The following AMER2 variants were observed in gnomAD, a reference collection of about 807,000 sequenced individuals.
AMER2 encodes the protein APC membrane recruitment protein 2, also known as family with sequence similarity 123A.
A neutral mutation model predicts 4.7 loss-of-function variants in AMER2; 1 was observed. The ratio of observed to expected loss-of-function variants is 0.21; its 90% CI spans 0.07 to 1.00. The LOEUF is 1.00. Ranked by LOEUF, AMER2 falls within the 50% of genes least tolerant of loss-of-function variation. The probability of loss-of-function intolerance (pLI) is 0.60; values close to 1 mark genes in which losing one functional copy is unlikely to be tolerated. For missense variants in AMER2, 988 were observed against 966.9 expected (o/e 1.02, Z -0.29); for synonymous variants, 485 against 433.3 (o/e 1.12, Z -1.48).
Position 25,171,390 on chromosome 13 carries a change from C to A in AMER2, c.230G>T (p.Gly77Val). The change falls in exon 1 of 1, where the codon GGT becomes GTT. Residue 77 changes from glycine to valine, a missense_variant. Physicochemically the swap from Gly to Val is moderately radical, Grantham distance 109. Transcript: ENST00000515384. The surrounding 1 kb of genome is among the most constrained non-coding windows in gnomAD (Gnocchi z 5.9). ...CCCAAAAATGCTGGGCATGGTGCCA[C>A]CCGATTTCCTCTTCTTGAATAATTT... ...AFKLFKKRKS[G>V]GTMPSIFGVK... 1.2e-6 allele frequency: 2 copies of A among 1,613,132 alleles called. No individual in the cohort carries two copies. The highest frequency in any genetic ancestry group is 1.7e-6 in the Non-Finnish European group (2 of 1,179,688).
chr13:25,171,251 C>T lies in AMER2; in HGVS notation c.369G>A (p.Pro123=). The T allele has an allele frequency of 7.0e-7, 1 of 1,435,330 alleles. No individual in the cohort carries two copies. The allele number at this position is 1,435,330 out of a possible 1,614,324, so 88.9% of individuals were successfully genotyped here. Residue 123 remains proline, a synonymous_variant, in exon 1 of 1, where the codon CCG becomes CCA. Coordinates refer to ENST00000515384, the MANE Select transcript of AMER2 (RefSeq NM_152704.4). The surrounding 1 kb of genome is among the most constrained non-coding windows in gnomAD (Gnocchi z 5.9). ...LVLESGRKEE[P]RGGGDSGGGG... ...CCCCGCCGCTGTCGCCCCCGCCGCGCGGCTCCTCCTTCCTGCCGCTCTCCA... is the reference window on the plus strand; with the variant it reads ...CCCCGCCGCTGTCGCCCCCGCCGCGTGGCTCCTCCTTCCTGCCGCTCTCCA...
In AMER2 at chr13:25,169,710, G is replaced by A. The variant is rs761981252; in HGVS notation, c.1910C>T (p.Thr637Ile). The A allele has an allele frequency of 1.9e-6, 3 of 1,614,044 alleles. No homozygotes were observed. Among genetic ancestry groups the A allele is most frequent in the Non-Finnish European group, 2.5e-6 (3 of 1,180,040 alleles). Reference sequence around the variant, plus strand: ...CAGCACTTTGGAAACCGGGATTTTTGTTCTGGGCATCTCACTCCTGGAGGG... The same window carrying A: ...CAGCACTTTGGAAACCGGGATTTTTATTCTGGGCATCTCACTCCTGGAGGG... ...QQPSRSEMPR[T>I]KIPVSKVLVR... Residue 637 changes from threonine to isoleucine, a missense_variant, in exon 1 of 1, where the codon ACA (threonine) becomes ATA (isoleucine). Coordinates refer to ENST00000515384, the MANE Select transcript of AMER2 (RefSeq NM_152704.4). This position sits in a 1 kb window ranked among gnomAD's most constrained non-coding sequence, Gnocchi z 4.2.
Position 25,169,680 on chromosome 13 carries a change from C to T in AMER2, c.1940G>A (p.Arg647His). 1 of 1,613,772 alleles carries T rather than the reference C, an allele frequency of 6.2e-7. No homozygotes were observed. The highest frequency in any genetic ancestry group is 1.3e-5 in the African/African-American group (1 of 75,036). Residue 647 changes from arginine to histidine, a missense_variant, in exon 1 of 1, where the codon CGC (arginine) becomes CAC (histidine). Arg to His is a conservative substitution (Grantham distance 29, BLOSUM62 0). Coordinates refer to ENST00000515384, the MANE Select transcript of AMER2 (RefSeq NM_152704.4). The surrounding 1 kb of genome is among the most constrained non-coding windows in gnomAD (Gnocchi z 4.2). ...TKIPVSKVLV[R>H]RVSNRGLAGT... ...AGCCAAGCCCCGGTTGCTGACTCTG[C>T]GGACCAGCACTTTGGAAACCGGGAT...
In AMER2 at chr13:25,171,242, C is replaced by T. The variant is rs750623262; in HGVS notation, c.378G>A (p.Gly126=). Residue 126 remains glycine (G), a synonymous_variant, in exon 1 of 1, where the codon GGG becomes GGA. Transcript: ENST00000515384. The surrounding 1 kb of genome is among the most constrained non-coding windows in gnomAD (Gnocchi z 5.9). ...CCCCGCCGCCCCCGCCGCTGTCGCC[C>T]CCGCCGCGCGGCTCCTCCTTCCTGC... is the stretch of plus-strand genomic sequence containing the variant. ...ESGRKEEPRG[G]GDSGGGGGGR... The T allele has an allele frequency of 9.2e-5, 129 of 1,408,994 alleles. No individual in the cohort carries two copies. The highest frequency in any genetic ancestry group is 1.1e-4 in the Non-Finnish European group (119 of 1,084,610). The allele number at this position is 1,408,994 out of a possible 1,614,324, so 87.3% of individuals were successfully genotyped here.
chr13:25,171,659 C>G lies in AMER2; in HGVS notation c.-40G>C. The G allele has an allele frequency of 6.9e-7, 1 of 1,441,490 alleles. No homozygotes were observed. Among genetic ancestry groups the G allele is most frequent in the South Asian group, 1.5e-5 (1 of 67,012 alleles). 89.3% of individuals were successfully genotyped at this position (1,441,490 alleles called of 1,614,324 possible). A position where few individuals can be genotyped will look rare whatever the true frequency, so the allele number is the denominator to read the frequency against. ...ATAAGCCGCTTTCGTCAGCAGTGGGCTCGCGCCAGGCCACTGTCACCCGTA... is the reference window on the plus strand; with the variant it reads ...ATAAGCCGCTTTCGTCAGCAGTGGGGTCGCGCCAGGCCACTGTCACCCGTA... On this transcript the variant is annotated 5_prime_UTR_variant, in exon 1 of 1. Transcript: ENST00000515384. This position sits in a 1 kb window ranked among gnomAD's most constrained non-coding sequence, Gnocchi z 5.9.
rs1468695861 is a variant in AMER2, at chr13:25,167,532, G to A, written c.*2072C>T. 5.3e-5 allele frequency: 8 copies of A among 152,212 alleles called. 1 individual carries two copies. Among genetic ancestry groups the A allele is most frequent in the Admixed American group, 5.2e-4 (8 of 15,290 alleles). The allele number at this position is 152,212 out of a possible 1,614,324, so 9.4% of individuals were successfully genotyped here. A position where few individuals can be genotyped will look rare whatever the true frequency, so the allele number is the denominator to read the frequency against. ...TGTACACAGTTGAGTGCATGAGCAC[G>A]TGAGTGTGAGATGCTTATATGAATT... On this transcript the variant is annotated 3_prime_UTR_variant, in exon 1 of 1. Coordinates refer to ENST00000515384, the MANE Select transcript of AMER2 (RefSeq NM_152704.4).
rs1448390107 is a variant in AMER2, at chr13:25,170,080, G to T, written c.1540C>A (p.Gln514Lys). 6.2e-7 allele frequency: 1 copy of T among 1,613,984 alleles called. No homozygotes were observed. Among genetic ancestry groups the T allele is most frequent in the African/African-American group, 1.3e-5 (1 of 74,918 alleles). The stretch of plus-strand genomic sequence containing the variant: ...TCGTCGCTGTTGGGGACGCCTTCCT[G>T]CTGCTCCTTCTCCGGGTGCTTGGGC... The part of the protein sequence containing the change: ...EEPKHPEKEQ[Q>K]EGVPNSDEGY... Residue 514 changes from glutamine to lysine, a missense_variant, in exon 1 of 1, where the codon CAG (glutamine) becomes AAG (lysine). Gln to Lys is a moderately conservative substitution (Grantham distance 53, BLOSUM62 1). Coordinates refer to ENST00000515384, the MANE Select transcript of AMER2 (RefSeq NM_152704.4). This position sits in a 1 kb window ranked among gnomAD's most constrained non-coding sequence, Gnocchi z 7.3.
Position 25,165,480 on chromosome 13 carries a change from G to T in AMER2, c.*4124C>A, listed in dbSNP as rs1956466904. 1 of 152,188 alleles carries T rather than the reference G, an allele frequency of 6.6e-6. No individual in the cohort carries two copies. Among genetic ancestry groups the T allele is most frequent in the Non-Finnish European group, 1.5e-5 (1 of 68,048 alleles). 9.4% of individuals were successfully genotyped at this position (152,188 alleles called of 1,614,324 possible). A position where few individuals can be genotyped will look rare whatever the true frequency, so the allele number is the denominator to read the frequency against. On this transcript the variant is annotated 3_prime_UTR_variant, in exon 1 of 1. Coordinates refer to ENST00000515384, the MANE Select transcript of AMER2 (RefSeq NM_152704.4). ...CAAACTGCTTCATAAATATTTTTGT[G>T]TGTAATGAATTGAAATTTTCTAAGG...
rs2137449635 is a variant in AMER2, at chr13:25,171,193, TG to T, written c.426del (p.Arg143GlufsTer25). 7 of 1,449,582 alleles carry T rather than the reference TG, an allele frequency of 4.8e-6. No homozygotes were observed. Among genetic ancestry groups the T allele is most frequent in the Admixed American group, 2.8e-5 (1 of 35,646 alleles). 89.8% of individuals were successfully genotyped at this position (1,449,582 alleles called of 1,614,324 possible). A position where few individuals can be genotyped will look rare whatever the true frequency, so the allele number is the denominator to read the frequency against. On this transcript the variant is annotated frameshift_variant, in exon 1 of 1. Coordinates refer to ENST00000515384, the MANE Select transcript of AMER2 (RefSeq NM_152704.4). LOFTEE classifies it low-confidence loss of function (END_TRUNC). The surrounding 1 kb of genome is among the most constrained non-coding windows in gnomAD (Gnocchi z 5.9). ...GGGGRPNPGP[P>X]RAAGPGGGSL... is the part of the protein sequence containing the mutation. ...GAGCCCCCGCCGGGCCCTGCGGCTC[TG>T]GGGGGCCCCGGGTTCGGCCGCCCCC...
In AMER2 at chr13:25,171,470, G is replaced by C; in HGVS notation, c.150C>G (p.Ala50=). 1.2e-6 allele frequency: 2 copies of C among 1,609,692 alleles called. No individual in the cohort carries two copies. The highest frequency in any genetic ancestry group is 1.7e-6 in the Non-Finnish European group (2 of 1,178,866). ...GCGGCTCGGCGGCCGGCGTTTCGGC[G>C]GCACAGTCACAATGCAAGTCCATGT... ...AADMDLHCDC[A]AETPAAEPPS... is the part of the protein sequence containing the mutation. Residue 50 remains alanine (A), a synonymous_variant, in exon 1 of 1, where the codon GCC becomes GCG. Transcript: ENST00000515384. The surrounding 1 kb of genome is among the most constrained non-coding windows in gnomAD (Gnocchi z 5.9).
At position 25,164,830 on chromosome 13, in the gene AMER2, C is replaced by T. The variant is rs1203159816; in HGVS notation, c.*4774G>A. The T allele has an allele frequency of 6.6e-6, 1 of 152,146 alleles. No homozygotes were observed. The highest frequency in any genetic ancestry group is 2.4e-5 in the African/African-American group (1 of 41,418). 9.4% of individuals were successfully genotyped at this position (152,146 alleles called of 1,614,324 possible). The stretch of plus-strand genomic sequence containing the variant: ...ATAGTGCCCTTCTTCAACTTCACAC[C>T]ACTTTGCTTCACCCCACAAACTATA... On this transcript the variant is annotated 3_prime_UTR_variant, in exon 1 of 1. Coordinates refer to ENST00000515384, the MANE Select transcript of AMER2 (RefSeq NM_152704.4).
At position 25,171,899 on chromosome 13, in the gene AMER2, C is replaced by T. The variant is rs1956590330; in HGVS notation, c.-280G>A. On this transcript the variant is annotated 5_prime_UTR_variant, in exon 1 of 1. Coordinates refer to ENST00000515384, the MANE Select transcript of AMER2 (RefSeq NM_152704.4). This position sits in a 1 kb window ranked among gnomAD's most constrained non-coding sequence, Gnocchi z 5.9. ...CGTAATTATGGAATTCAAATTCCCT[C>T]AACTCTCACCCACCTTCGGATTCCT... 2.2e-6 allele frequency: 1 copy of T among 462,580 alleles called. No homozygotes were observed. The highest frequency in any genetic ancestry group is 3.5e-6 in the Non-Finnish European group (1 of 284,228). The allele number at this position is 462,580 out of a possible 1,614,324, so 28.7% of individuals were successfully genotyped here.
Position 25,171,106 on chromosome 13 carries a change from G to C in AMER2, c.514C>G (p.Arg172Gly), listed in dbSNP as rs1400786862. 1 of 1,563,778 alleles carries C rather than the reference G, an allele frequency of 6.4e-7. No homozygotes were observed. Among genetic ancestry groups the C allele is most frequent in the Non-Finnish European group, 8.7e-7 (1 of 1,156,054 alleles). Residue 172 changes from arginine (R) to glycine (G), a missense_variant, in exon 1 of 1, where the codon CGC (arginine) becomes GGC (glycine). Transcript: ENST00000515384. The surrounding 1 kb of genome is among the most constrained non-coding windows in gnomAD (Gnocchi z 5.9). Reference protein sequence around the residue: ...SFFSLLKKNGRSENGKGEPVD... With the variant: ...SFFSLLKKNGGSENGKGEPVD... Reference sequence around the variant, plus strand: ...GGCTCTCCCTTGCCGTTTTCCGAGCGCCCGTTCTTCTTCAGCAGCGAGAAG... The same window carrying C: ...GGCTCTCCCTTGCCGTTTTCCGAGCCCCCGTTCTTCTTCAGCAGCGAGAAG...
At position 25,166,523 on chromosome 13, in the gene AMER2, T is replaced by C. The variant is rs1956481337; in HGVS notation, c.*3081A>G. 1 of 152,212 alleles carries C rather than the reference T, an allele frequency of 6.6e-6. No homozygotes were observed. The highest frequency in any genetic ancestry group is 1.5e-5 in the Non-Finnish European group (1 of 68,038). 9.4% of individuals were successfully genotyped at this position (152,212 alleles called of 1,614,324 possible). On this transcript the variant is annotated 3_prime_UTR_variant, in exon 1 of 1. Coordinates refer to ENST00000515384, the MANE Select transcript of AMER2 (RefSeq NM_152704.4). ...TGTGCAGAGCTATTAAACCAACCGA[T>C]AAATTTTCGCCCAACAATTGATTTG... is the stretch of plus-strand genomic sequence containing the variant.
rs1250572414 is a variant in AMER2 at position 25,168,597 on chromosome 13, A to C, written c.*1007T>G. On this transcript the variant is annotated 3_prime_UTR_variant, in exon 1 of 1. Coordinates refer to ENST00000515384, the MANE Select transcript of AMER2 (RefSeq NM_152704.4). ...CGCTTCCCATTACAGTACATAACAG[A>C]ACATCAATGGTTTGGGGACCATCAT... 1 of 152,202 alleles carries C rather than the reference A, an allele frequency of 6.6e-6. No individual in the cohort carries two copies. Among genetic ancestry groups the C allele is most frequent in the Non-Finnish European group, 1.5e-5 (1 of 68,004 alleles). 9.4% of individuals were successfully genotyped at this position (152,202 alleles called of 1,614,324 possible). A position where few individuals can be genotyped will look rare whatever the true frequency, so the allele number is the denominator to read the frequency against.
rs994363197 is a variant in AMER2 at position 25,171,096 on chromosome 13, T to C, written c.524A>G (p.Asn175Ser). ...CGCGTCCACAGGCTCTCCCTTGCCGTTTTCCGAGCGCCCGTTCTTCTTCAG... is the reference window on the plus strand; with the variant it reads ...CGCGTCCACAGGCTCTCCCTTGCCGCTTTCCGAGCGCCCGTTCTTCTTCAG... The part of the protein sequence containing the change: ...SLLKKNGRSE[N>S]GKGEPVDASK... Residue 175 changes from asparagine (N) to serine (S), a missense_variant, in exon 1 of 1, where the codon AAC (asparagine) becomes AGC (serine). Physicochemically the swap from Asn to Ser is conservative, Grantham distance 46. Coordinates refer to ENST00000515384, the MANE Select transcript of AMER2 (RefSeq NM_152704.4). This position sits in a 1 kb window ranked among gnomAD's most constrained non-coding sequence, Gnocchi z 5.9. The C allele has an allele frequency of 3.2e-6, 5 of 1,564,466 alleles. No homozygotes were observed. In the African/African-American group the frequency reaches 7.1e-5, roughly 22 times the overall value.
rs1410710037 is a variant in AMER2, at chr13:25,164,391, G to C, written c.*5213C>G. The C allele has an allele frequency of 2.0e-5, 3 of 151,818 alleles. No individual in the cohort carries two copies. The highest frequency in any genetic ancestry group is 7.3e-5 in the African/African-American group (3 of 41,322). The allele number at this position is 151,818 out of a possible 1,614,324, so 9.4% of individuals were successfully genotyped here. On this transcript the variant is annotated 3_prime_UTR_variant, in exon 1 of 1. Transcript: ENST00000515384. Reference sequence around the variant, plus strand: ...ATGTTTGCCTACTCAGCATAGCACAGTGGCAGGGTTCCCTGTATATGATTG... The same window carrying C: ...ATGTTTGCCTACTCAGCATAGCACACTGGCAGGGTTCCCTGTATATGATTG...
At position 25,171,698 on chromosome 13, in the gene AMER2, T is replaced by A. The variant is rs536774270; in HGVS notation, c.-79A>T. 7.1e-7 allele frequency: 1 copy of A among 1,412,162 alleles called. No individual in the cohort carries two copies. The highest frequency in any genetic ancestry group is 1.5e-5 in the African/African-American group (1 of 66,032). 87.5% of individuals were successfully genotyped at this position (1,412,162 alleles called of 1,614,324 possible). ...CTGTCACCCGTATTCTAAATCAACC[T>A]GAGCCGCGCTCGCCGCCGCCGCTGC... is the stretch of plus-strand genomic sequence containing the variant. On this transcript the variant is annotated 5_prime_UTR_variant, in exon 1 of 1. Transcript: ENST00000515384. This position sits in a 1 kb window ranked among gnomAD's most constrained non-coding sequence, Gnocchi z 5.9.
At position 25,163,794 on chromosome 13, in the gene AMER2, G is replaced by C. The variant is rs990518528; in HGVS notation, c.*5810C>G. 3.0e-4 allele frequency: 45 copies of C among 152,058 alleles called. No individual in the cohort carries two copies. The highest frequency in any genetic ancestry group is 1.0e-3 in the African/African-American group (42 of 41,468). 9.4% of individuals were successfully genotyped at this position (152,058 alleles called of 1,614,324 possible). A position where few individuals can be genotyped will look rare whatever the true frequency, so the allele number is the denominator to read the frequency against. On this transcript the variant is annotated 3_prime_UTR_variant, in exon 1 of 1. Transcript: ENST00000515384. ...CACTGTGGCTATAGTTAACAATACT[G>C]TATTGTGTACTTAAAAATTAAAGAA...
Sources: gnomAD v4.1 joint callset for allele counts on GRCh38, gnomAD v4.1.1 for gene constraint, Gnocchi (gnomAD v3.1) non-coding constraint, MANE v1.5 for transcripts, NCBI Gene and HGNC (gene_info 2026-07-23, HGNC 2026-07-21) for gene names.